Variants in SALL3 observed in about 807,000 individuals in gnomAD.
SALL3 encodes spalt like transcription factor 3.
In SALL3, 25 loss-of-function variants were observed where a neutral mutation model predicts 66.2. The observed-to-expected ratio is 0.38, with a 90% CI of 0.28 to 0.53. The LOEUF (loss-of-function observed/expected upper bound fraction) is 0.53, where lower values mean the gene tolerates loss of function less well. Among genes scored for constraint, SALL3 ranks in the 20% least tolerant of loss-of-function variants. The pLI is 0.85. For synonymous variants in SALL3, 1,152 were observed against 899.1 expected, an observed-to-expected ratio of 1.28 and a Z score of -5.03; for missense variants, 2,194 against 1,916.5, an observed-to-expected ratio of 1.14 and a Z score of -2.70.
chr18:78,985,408 C>G (rs961291738), intron 1 of SALL3, among the ~76,000 whole-genome samples: 7 of 152,216 alleles, frequency 4.6e-5, no homozygotes, highest in Admixed American at 4.6e-4. Context: ...TGCCGCGGCA[C>G]TTTGTCGTGA....
Position 78,980,263 on chromosome 18 carries a change from G to T in SALL3, c.-12G>T. Reference sequence around the variant, plus strand: ...CCGCTGCCCCGCGCGGGGCCCGAGCGCCGCTAGCAGCATGTCTCGGCGCAA... The same window carrying T: ...CCGCTGCCCCGCGCGGGGCCCGAGCTCCGCTAGCAGCATGTCTCGGCGCAA... On this transcript the variant is annotated 5_prime_UTR_variant, in exon 1 of 3. Transcript: ENST00000537592. The T allele has an allele frequency of 7.8e-7, 1 of 1,278,994 alleles. No individual in the cohort carries two copies. The highest frequency in any genetic ancestry group is 1.7e-5 in the South Asian group (1 of 57,690). The allele number at this position is 1,278,994 out of a possible 1,614,324, so 79.2% of individuals were successfully genotyped here. A position where few individuals can be genotyped will look rare whatever the true frequency, so the allele number is the denominator to read the frequency against.
At chr18:78,985,611 G>A (rs1022166844) in intron 1 of SALL3, among the ~76,000 whole-genome samples, 2 of 152,226 alleles carry the variant, frequency 1.3e-5, no homozygotes, top group African/African-American at 4.8e-5. Flanking sequence ...ACAAATGATG[G>A]AAATGATTCC....
In SALL3 at chr18:78,980,018, G is replaced by A. The variant is rs1198531774; in HGVS notation, c.-257G>A. The stretch of plus-strand genomic sequence containing the variant: ...GAGGCGCCGCGGCCCCCTCCTCGTC[G>A]GCGCGGCCGCTAATTGCGAGCGCGG... On this transcript the variant is annotated 5_prime_UTR_variant, in exon 1 of 3. Coordinates refer to ENST00000537592, the MANE Select transcript of SALL3 (RefSeq NM_171999.4). Among the ~76,000 whole-genome samples, 6 of 145,790 alleles carry A rather than the reference G, an allele frequency of 4.1e-5. No homozygotes were observed. The East Asian group carries it at 1.0e-3, about 25-fold the overall frequency.
rs1234941373 is a variant in SALL3 at position 78,993,561 on chromosome 18, A to C, written c.1570A>C (p.Thr524Pro). The change falls in exon 2 of 3, where the codon ACG becomes CCG. Residue 524 changes from threonine (T) to proline (P), a missense_variant. Thr to Pro is a conservative substitution (Grantham distance 38, BLOSUM62 -1). Transcript: ENST00000537592. ...CAAGCCCGTGCTGCCCACCGTGCCCACGTCCGTGGGGCTGCAACTGCCGCC... is the reference window on the plus strand; with the variant it reads ...CAAGCCCGTGCTGCCCACCGTGCCCCCGTCCGTGGGGCTGCAACTGCCGCC... ...DSKPVLPTVP[T>P]SVGLQLPPTV... 3 of 1,588,562 alleles carry C rather than the reference A, an allele frequency of 1.9e-6. No individual in the cohort carries two copies. Among genetic ancestry groups the C allele is most frequent in the Non-Finnish European group, 2.6e-6 (3 of 1,172,324 alleles).
At chr18:78,991,611 C>CA (rs1568292585) in intron 1 of SALL3, 2 of 159,442 alleles carry the variant, frequency 1.3e-5, no homozygotes, top group African/African-American at 4.8e-5. Context: ...TGGTGGGGAC[C>CA]ACACCGGCCA....
At chr18:78,988,764 T>C (rs1914330992) in intron 1 of SALL3, among the ~76,000 whole-genome samples, 1 of 152,232 alleles carries the variant, frequency 6.6e-6, no homozygotes, top group South Asian at 2.1e-4. Flanking sequence ...GCGAGAACAA[T>C]TGAGGTGATC....
At position 78,996,843 on chromosome 18, in the gene SALL3, C is replaced by T. The variant is rs1205592910; in HGVS notation, c.3472-48C>T. The T allele has an allele frequency of 2.0e-6, 3 of 1,536,822 alleles. No homozygotes were observed. In the South Asian group the frequency reaches 3.7e-5, roughly 19 times the overall value. On this transcript the variant is annotated intron_variant, in intron 2 of 2. Coordinates refer to ENST00000537592, the MANE Select transcript of SALL3 (RefSeq NM_171999.4). ...TGCGCTGGAAGCGGAGCAGCTCTGC[C>T]TCCGTGTCTAGGCACTTACTCGTGG...
chr18:78,983,364 C>T (rs1914138310), intron 1 of SALL3, among the ~76,000 whole-genome samples: 1 of 152,116 alleles, frequency 6.6e-6, no homozygotes, highest in Non-Finnish European at 1.5e-5. Flanking sequence ...AGATACAATA[C>T]TGCTATTCTT....
At position 78,994,513 on chromosome 18, in the gene SALL3, C is replaced by A; in HGVS notation, c.2522C>A (p.Ala841Asp). 1 of 1,378,564 alleles carries A rather than the reference C, an allele frequency of 7.3e-7. No individual in the cohort carries two copies. Among genetic ancestry groups the A allele is most frequent in the Non-Finnish European group, 9.9e-7 (1 of 1,010,264 alleles). 85.4% of individuals were successfully genotyped at this position (1,378,564 alleles called of 1,614,324 possible). A position where few individuals can be genotyped will look rare whatever the true frequency, so the allele number is the denominator to read the frequency against. ...CCGCCCTCGGTCATCTCCAGCATTGCCGCCCTGGAGAACCAGATGAAGATG... is the reference window on the plus strand; with the variant it reads ...CCGCCCTCGGTCATCTCCAGCATTGACGCCCTGGAGAACCAGATGAAGATG... ...PSPPSVISSIAALENQMKMID... is the reference protein window; with the variant it reads ...PSPPSVISSIDALENQMKMID... The change falls in exon 2 of 3, where the codon GCC becomes GAC. Residue 841 changes from alanine (A) to aspartate (D), a missense_variant. Physicochemically the swap from Ala to Asp is moderately radical, Grantham distance 126. Coordinates refer to ENST00000537592, the MANE Select transcript of SALL3 (RefSeq NM_171999.4).
rs1311535315 is a variant in SALL3, at chr18:78,997,553, A to AT, written c.*231_*232insT. ...TAAATAAGCTTCCTTCAAAAAAAAAAGTGCTTGGAAAACCGCCTTAGGAAC... is the reference window on the plus strand; with the variant it reads ...TAAATAAGCTTCCTTCAAAAAAAAAATGTGCTTGGAAAACCGCCTTAGGAAC... On this transcript the variant is annotated 3_prime_UTR_variant, in exon 3 of 3. Transcript: ENST00000537592. 1.9e-6 allele frequency: 1 copy of AT among 537,038 alleles called. No individual in the cohort carries two copies. Among genetic ancestry groups the AT allele is most frequent in the Non-Finnish European group, 3.3e-6 (1 of 307,354 alleles). 33.3% of individuals were successfully genotyped at this position (537,038 alleles called of 1,614,324 possible). A position where few individuals can be genotyped will look rare whatever the true frequency, so the allele number is the denominator to read the frequency against.
Position 78,992,227 on chromosome 18 carries a change from T to G in SALL3, c.236T>G (p.Val79Gly), listed in dbSNP as rs1347990300. 6.2e-7 allele frequency: 1 copy of G among 1,604,550 alleles called. No individual in the cohort carries two copies. The highest frequency in any genetic ancestry group is 1.1e-5 in the South Asian group (1 of 90,470). Residue 79 changes from valine to glycine, a missense_variant, in exon 2 of 3, where the codon GTG (valine) becomes GGG (glycine). By Grantham distance (109) the Val-to-Gly change is moderately radical. Coordinates refer to ENST00000537592, the MANE Select transcript of SALL3 (RefSeq NM_171999.4). ...HQRSCTKLPP[V>G]LIVHEDAPAP... ...CGGAGCTGCACCAAGCTCCCGCCCGTGCTGATCGTGCACGAGGACGCGCCC... is the reference window on the plus strand; with the variant it reads ...CGGAGCTGCACCAAGCTCCCGCCCGGGCTGATCGTGCACGAGGACGCGCCC...
At chr18:78,988,288 A>G (rs563974109) in intron 1 of SALL3, among the ~76,000 whole-genome samples, 12 of 152,338 alleles carry the variant, frequency 7.9e-5, no homozygotes, top group East Asian at 3.9e-4. Flanking sequence ...TTTTTCCCAT[A>G]TGGGTTTGCT....
chr18:78,982,181 G>C (rs1411760666), intron 1 of SALL3, among the ~76,000 whole-genome samples: 2 of 152,216 alleles, frequency 1.3e-5, no homozygotes, highest in African/African-American at 4.8e-5. Context: ...TAGTGTAAAC[G>C]TGTGGAGGGC....
chr18:78,993,470 C>T lies in SALL3; in HGVS notation c.1479C>T (p.Thr493=). 1.2e-6 allele frequency: 2 copies of T among 1,612,772 alleles called. No individual in the cohort carries two copies. Among genetic ancestry groups the T allele is most frequent in the South Asian group, 2.2e-5 (2 of 91,044 alleles). The change falls in exon 2 of 3, where the codon ACC becomes ACT. Residue 493 remains threonine, a synonymous_variant. Coordinates refer to ENST00000537592, the MANE Select transcript of SALL3 (RefSeq NM_171999.4). ...CCGAGTACCTGGACAACGTGCCCAC[C>T]TGCTCGGGCATCCCCTACGGCATGT... ...PVPEYLDNVP[T]CSGIPYGMSL...
In SALL3 at chr18:78,997,509, C is replaced by T. The variant is rs555692798; in HGVS notation, c.*187C>T. ...CTTCAACAGCAAGCCTGACTGTTCT[C>T]GAGAACTCTGCAATCTTTTAAATAA... is the stretch of plus-strand genomic sequence containing the variant. On this transcript the variant is annotated 3_prime_UTR_variant, in exon 3 of 3. Coordinates refer to ENST00000537592, the MANE Select transcript of SALL3 (RefSeq NM_171999.4). The T allele has an allele frequency of 2.4e-5, 14 of 591,258 alleles. No homozygotes were observed. In the East Asian group the frequency reaches 2.8e-4, roughly 12 times the overall value. 36.6% of individuals were successfully genotyped at this position (591,258 alleles called of 1,614,324 possible). A position where few individuals can be genotyped will look rare whatever the true frequency, so the allele number is the denominator to read the frequency against.
chr18:78,986,017 C>G (rs967937167), intron 1 of SALL3, among the ~76,000 whole-genome samples: 1 of 152,180 alleles, frequency 6.6e-6, no homozygotes, highest in Non-Finnish European at 1.5e-5. Flanking sequence ...TAGTGATACA[C>G]ACGCGTTCCT....
chr18:78,994,369 T>C lies in SALL3; in HGVS notation c.2378T>C (p.Leu793Pro), dbSNP rs1914599063. 6.2e-7 allele frequency: 1 copy of C among 1,613,294 alleles called. No homozygotes were observed. The highest frequency in any genetic ancestry group is 1.3e-5 in the African/African-American group (1 of 74,912). The stretch of plus-strand genomic sequence containing the variant: ...TACGACGACAAGAACGCGGAGACCC[T>C]GAGCAGCTACGATGACGACATGGAC... The part of the protein sequence containing the change: ...LAYDDKNAET[L>P]SSYDDDMDEN... The change falls in exon 2 of 3, where the codon CTG becomes CCG. Residue 793 changes from leucine (L) to proline (P), a missense_variant. By Grantham distance (98) the Leu-to-Pro change is moderately conservative (BLOSUM62 -3). Coordinates refer to ENST00000537592, the MANE Select transcript of SALL3 (RefSeq NM_171999.4).
chr18:78,983,974 A>C (rs563754031), intron 1 of SALL3, among the ~76,000 whole-genome samples: 3 of 152,242 alleles, frequency 2.0e-5, no homozygotes, highest in Non-Finnish European at 4.4e-5. Flanking sequence ...GCAGAGAGAG[A>C]GAGCTGATTA....
intron 1 of SALL3, among the ~76,000 whole-genome samples, chr18:78,986,429 C>T (rs749979705): frequency 6.6e-6 from 1 of 152,150 alleles, no homozygotes; most frequent in Non-Finnish European, 1.5e-5. Flanking sequence ...TTTTCTATTG[C>T]GTCTGGAATT....
Sources: gnomAD v4.1 joint callset for allele counts (sites outside exome capture counted in the v4.1 genomes callset) on GRCh38, gnomAD v4.1.1 for gene constraint, MANE v1.5 for transcripts, NCBI Gene and HGNC (gene_info 2026-07-23, HGNC 2026-07-21) for gene names.